The following DARS1 variants were observed in gnomAD, a reference collection of about 807,000 sequenced individuals.
DARS1 encodes aspartate--tRNA ligase, cytoplasmic.
Under a neutral mutation model 68.8 loss-of-function variants are expected in DARS1, and 51 were observed. The ratio of observed to expected loss-of-function variants is 0.74; its 90% CI spans 0.59 to 0.94. The LOEUF is 0.94. DARS1 is among the 40% of genes least tolerant of loss of function. DARS1 has a pLI of 0.00. For synonymous variants in DARS1, 203 were observed against 190.4 expected, an observed-to-expected ratio of 1.07 and a Z score of -0.55; for missense variants, 607 against 597.3, an observed-to-expected ratio of 1.02 and a Z score of -0.17.
chr2:135,983,771 A>G (rs1292099368), intron 1 of DARS1, among the ~76,000 whole-genome samples: 1 of 152,248 alleles, frequency 6.6e-6, no homozygotes, highest in African/African-American at 2.4e-5. Context: ...CTTCAAAAAG[A>G]TGAAACTACT....
At chr2:135,957,609 A>G (rs1558793964) in intron 4 of DARS1, among the ~76,000 whole-genome samples, 1 of 152,072 alleles carries the variant, frequency 6.6e-6, no homozygotes, top group African/African-American at 2.4e-5. Context: ...TGAACGGCCC[A>G]TTTTGGCCTC....
chr2:135,926,359 G>A (rs956997697), intron 7 of DARS1, among the ~76,000 whole-genome samples: 13 of 152,058 alleles, frequency 8.5e-5, no homozygotes, highest in Admixed American at 6.5e-4. Context: ...TGGGGAAAAC[G>A]GATCTGTCAT....
Position 135,922,783 on chromosome 2 carries a change from C to A in DARS1, c.811+1G>T. 2 of 1,538,920 alleles carry A rather than the reference C, an allele frequency of 1.3e-6. No homozygotes were observed. Among genetic ancestry groups the A allele is most frequent in the South Asian group, 1.3e-5 (1 of 76,722 alleles). ...ATAAAACATAACTGCCAAAATCTTACCTGGTCCAATAGAGAAAACCTTCTC... is the reference window on the plus strand; with the variant it reads ...ATAAAACATAACTGCCAAAATCTTAACTGGTCCAATAGAGAAAACCTTCTC... On this transcript the variant is annotated splice_donor_variant, in intron 9 of 15. Transcript: ENST00000264161. LOFTEE classifies it high-confidence loss of function.
chr2:135,914,493 C>T lies in DARS1; in HGVS notation c.1125G>A (p.Leu375=), dbSNP rs769425671. The T allele has an allele frequency of 1.5e-5, 22 of 1,468,206 alleles. No individual in the cohort carries two copies. Among genetic ancestry groups the T allele is most frequent in the Admixed American group, 1.0e-4 (6 of 59,842 alleles). 90.9% of individuals were successfully genotyped at this position (1,468,206 alleles called of 1,614,324 possible). ...EDDLSTPNEK[L]LGHLVKEKYD... ...CCTTTTCCTTTACCAAATGACCCAA[C>T]AGCTTTTCATTTGGTGTGCTGAAAA... The change falls in exon 12 of 16, where the codon CTG becomes CTA. Residue 375 remains leucine (L), a synonymous_variant. Coordinates refer to ENST00000264161, the MANE Select transcript of DARS1 (RefSeq NM_001349.4).
intron 3 of DARS1, among the ~76,000 whole-genome samples, chr2:135,962,277 G>A (rs577478846): frequency 2.3e-4 from 35 of 151,868 alleles, no homozygotes; most frequent in African/African-American, 7.2e-4. Context: ...AATATATTTC[G>A]TTATTATGTA....
chr2:135,937,134 G>A (rs939525583), intron 5 of DARS1, among the ~76,000 whole-genome samples: 7 of 152,046 alleles, frequency 4.6e-5, no homozygotes. Flanking sequence ...AGTCACGCAG[G>A]TTGGAGTGCA....
intron 5 of DARS1, among the ~76,000 whole-genome samples, chr2:135,937,464 A>G (rs1023411280): frequency 7.2e-5 from 11 of 152,228 alleles, no homozygotes; most frequent in African/African-American, 2.7e-4. Context: ...GGTACTATTT[A>G]TTTTGACTTC....
At chr2:135,918,044 C>T (rs1406742602) in intron 10 of DARS1, among the ~76,000 whole-genome samples, 1 of 151,972 alleles carries the variant, frequency 6.6e-6, no homozygotes, top group Non-Finnish European at 1.5e-5. Flanking sequence ...CTCAGCCTCC[C>T]AAGTAGCTGG....
At chr2:135,982,006 A>G (rs540296173) in intron 2 of DARS1, among the ~76,000 whole-genome samples, 7 of 152,310 alleles carry the variant, frequency 4.6e-5, no homozygotes, top group African/African-American at 1.7e-4. Context: ...CAAATCAAAT[A>G]TAACAATAAA....
intron 4 of DARS1, among the ~76,000 whole-genome samples, chr2:135,955,208 C>T (rs746993576): frequency 4.7e-5 from 7 of 150,356 alleles, no homozygotes; most frequent in East Asian, 1.9e-4. Flanking sequence ...TTTCCATTTG[C>T]GTATTTATAT....
intron 12 of DARS1, among the ~76,000 whole-genome samples, chr2:135,912,946 G>C (rs1041305591): frequency 1.3e-5 from 2 of 151,894 alleles, no homozygotes; most frequent in East Asian, 3.9e-4. Flanking sequence ...GGCTGGTCTT[G>C]AACTCCTGGC....
intron 7 of DARS1, among the ~76,000 whole-genome samples, 183 bp downstream of exon 7, chr2:135,932,600 G>A (rs1019656218): frequency 3.3e-5 from 5 of 152,010 alleles, no homozygotes; most frequent in Admixed American, 2.0e-4. Flanking sequence ...GTATTTAACC[G>A]CTCCTGTTGC....
At chr2:135,954,064 A>G (rs1681906789) in intron 4 of DARS1, among the ~76,000 whole-genome samples, 1 of 151,478 alleles carries the variant, frequency 6.6e-6, no homozygotes, top group Non-Finnish European at 1.5e-5. Flanking sequence ...GCCCAGTTCT[A>G]TTTTTTAAAC....
In DARS1 at chr2:135,943,496, A is replaced by G; in HGVS notation, c.321-16T>C. 1 of 1,609,506 alleles carries G rather than the reference A, an allele frequency of 6.2e-7. No homozygotes were observed. The highest frequency in any genetic ancestry group is 1.1e-5 in the South Asian group (1 of 90,390). On this transcript the variant is annotated splice_polypyrimidine_tract_variant and intron_variant, in intron 4 of 15. Coordinates refer to ENST00000264161, the MANE Select transcript of DARS1 (RefSeq NM_001349.4). ...TTTGTTGATGCTGTCAAGAGAAAAA[A>G]TTCCCAACTTGAATCATCTCATCAG...
intron 4 of DARS1, among the ~76,000 whole-genome samples, chr2:135,957,931 C>A (rs956381015): frequency 1.3e-5 from 2 of 151,940 alleles, no homozygotes; most frequent in Non-Finnish European, 2.9e-5. Flanking sequence ...TTTTTAATTT[C>A]ACTAAAACTA....
chr2:135,982,334 C>T (rs1014422122), intron 2 of DARS1, among the ~76,000 whole-genome samples: 1 of 152,080 alleles, frequency 6.6e-6, no homozygotes, highest in Non-Finnish European at 1.5e-5. Context: ...GTGGCTCACA[C>T]CTGTAATCCT....
At chr2:135,949,571 CA>C (rs759112858) in intron 4 of DARS1, among the ~76,000 whole-genome samples, 2 of 152,140 alleles carry the variant, frequency 1.3e-5, no homozygotes, top group African/African-American at 2.4e-5. Flanking sequence ...TTAAAAACCT[CA>C]AACCATTTCA....
chr2:135,943,945 C>T (rs936548832), intron 4 of DARS1, among the ~76,000 whole-genome samples: 6 of 152,056 alleles, frequency 3.9e-5, no homozygotes, highest in Admixed American at 2.6e-4. Context: ...AGGACATTAG[C>T]GTGCTGTTTT....
intron 8 of DARS1, among the ~76,000 whole-genome samples, chr2:135,923,870 G>A (rs2104802865): frequency 6.6e-6 from 1 of 152,042 alleles, no homozygotes; most frequent in East Asian, 1.9e-4. Context: ...ATACAAAATT[G>A]GCTCGGCGTG....
Sources: gnomAD v4.1 joint callset for allele counts (sites outside exome capture counted in the v4.1 genomes callset) on GRCh38, gnomAD v4.1.1 for gene constraint, MANE v1.5 for transcripts, NCBI Gene and HGNC (gene_info 2026-07-23, HGNC 2026-07-21) for gene names.